The following KAZN variants were observed in gnomAD, a reference collection of about 807,000 sequenced individuals.
The protein encoded by KAZN is kazrin, periplakin interacting protein, also known as kazrin.
In KAZN, 40 loss-of-function variants were observed where a neutral mutation model predicts 87.4. That is an observed-to-expected ratio of 0.46 (90% CI 0.36 to 0.60). The LOEUF is 0.60. Among genes scored for constraint, KAZN ranks in the 20% least tolerant of loss-of-function variants. The probability of loss-of-function intolerance (pLI) is 0.00; values close to 1 mark genes in which losing one functional copy is unlikely to be tolerated. For missense variants in KAZN, 898 were observed against 1,073.9 expected, an observed-to-expected ratio of 0.84 and a Z score of 2.29; for synonymous variants, 466 against 458.3, an observed-to-expected ratio of 1.02 and a Z score of -0.22.
At chr1:14,902,547 A>G (rs1656056587) in intron 1 of KAZN, among the ~76,000 whole-genome samples, 1 of 152,060 alleles carries the variant, frequency 6.6e-6, no homozygotes, top group African/African-American at 2.4e-5. Context: ...ATTTTTTTAA[A>G]TCTTCCATGG....
At chr1:14,122,167 A>T (rs1193240968) in intron 1 of KAZN, among the ~76,000 whole-genome samples, 1 of 152,230 alleles carries the variant, frequency 6.6e-6, no homozygotes, top group Admixed American at 6.5e-5. Context: ...GCTGGGTGCC[A>T]GCAGTGGAGG....
chr1:14,329,119 C>A (rs906660888), intron 2 of KAZN, among the ~76,000 whole-genome samples: 2 of 152,136 alleles, frequency 1.3e-5, no homozygotes, highest in Non-Finnish European at 2.9e-5. Context: ...TGTCAGAAAT[C>A]TCTCTCTCCC....
In KAZN at chr1:14,890,427, G is replaced by A. The variant is rs567941883; in HGVS notation, c.227-70257G>A. Among the ~76,000 whole-genome samples, 51 of 152,202 alleles carry A rather than the reference G, an allele frequency of 3.4e-4. 2 individuals carry two copies. In the South Asian group the frequency reaches 0.01, roughly 31 times the overall value. ...ACATCGTCCCGCTGCAAAAAGTATA[G>A]GACAAAGAAACTGAATCTGTCAAAC... is the stretch of plus-strand genomic sequence containing the variant. On this transcript the variant is annotated intron_variant, in intron 1 of 14. Transcript: ENST00000376030.
intron 1 of KAZN, among the ~76,000 whole-genome samples, chr1:14,826,734 A>G (rs1230547034): frequency 1.3e-5 from 2 of 151,894 alleles, no homozygotes; most frequent in South Asian, 2.1e-4. Flanking sequence ...CATGCCCAAC[A>G]TGCACCTGCT....
intron 1 of KAZN, among the ~76,000 whole-genome samples, chr1:14,792,836 C>T (rs1320810318): frequency 8.5e-5 from 13 of 152,164 alleles, no homozygotes; most frequent in East Asian, 5.8e-4. Context: ...ATTAGCTGGG[C>T]GTGGTGGCAT....
chr1:14,751,067 G>T (rs931505464), intron 1 of KAZN, among the ~76,000 whole-genome samples: 1 of 152,208 alleles, frequency 6.6e-6, no homozygotes. Context: ...TTGGAGAGGA[G>T]ATGTGAAGCT....
intron 1 of KAZN, among the ~76,000 whole-genome samples, chr1:14,142,629 C>G (rs1645264499): frequency 6.6e-6 from 1 of 152,222 alleles, no homozygotes; most frequent in Admixed American, 6.5e-5. Flanking sequence ...GCGCTGTAGC[C>G]TTCAGCATTG....
intron 8 of KAZN, among the ~76,000 whole-genome samples, chr1:15,074,829 AG>A (rs1238369352): frequency 6.6e-6 from 1 of 152,178 alleles, no homozygotes; most frequent in Non-Finnish European, 1.5e-5. Context: ...TGGGGACAAT[AG>A]GGGTGAAAAG....
intron 2 of KAZN, among the ~76,000 whole-genome samples, chr1:14,389,347 C>G (rs1662223391): frequency 6.6e-6 from 1 of 152,140 alleles, no homozygotes; most frequent in Admixed American, 6.5e-5. Flanking sequence ...CAATCCCACT[C>G]CTAGGTATAT....
intron 4 of KAZN, among the ~76,000 whole-genome samples, chr1:15,050,390 A>G (rs899615574): frequency 6.6e-6 from 1 of 151,964 alleles, no homozygotes; most frequent in Non-Finnish European, 1.5e-5. Context: ...TGCCTGTTCC[A>G]CTCATCAGTA....
Position 14,067,910 on chromosome 1 carries a change from C to T in KAZN, c.92-112525C>T, listed in dbSNP as rs370251037. ...CAGCATTGTCCTCACAGCCAACCAT[C>T]CCAGCAGAAAGAGAGGTTTTCATTC... On this transcript the variant is annotated intron_variant, in intron 1 of 16. Transcript: ENST00000636203. 1.1e-4 allele frequency among the ~76,000 whole-genome samples: 17 copies of T among 152,310 alleles called. 1 individual carries two copies. Among genetic ancestry groups the T allele is most frequent in the African/African-American group, 4.1e-4 (17 of 41,574 alleles).
At chr1:14,866,063 T>C (rs2803399) in intron 1 of KAZN, among the ~76,000 whole-genome samples, 103,882 of 152,044 alleles carry the variant, frequency 0.68, 37,139 homozygotes, top group East Asian at 0.97. Flanking sequence ...TTGTGGCACT[T>C]TGTTATAGCA....
intron 2 of KAZN, among the ~76,000 whole-genome samples, chr1:14,247,793 T>A (rs1649646007): frequency 6.6e-6 from 1 of 152,178 alleles, no homozygotes; most frequent in East Asian, 1.9e-4. Flanking sequence ...TTCTAAGCAC[T>A]GCAGAATAAC....
chr1:14,983,711 G>GCCGGAAAATCACTTGAACC (rs1666496954), intron 2 of KAZN, among the ~76,000 whole-genome samples: 1 of 152,192 alleles, frequency 6.6e-6, no homozygotes, highest in South Asian at 2.1e-4. Context: ...GGAGGCTGAG[G>GCCGGAAAATCACTTGAACC]CAGGTGGATC....
At chr1:14,587,952 C>G (rs12120098) in intron 2 of KAZN, among the ~76,000 whole-genome samples, 1 of 152,066 alleles carries the variant, frequency 6.6e-6, no homozygotes, top group South Asian at 2.1e-4. Flanking sequence ...ACCCATGTTG[C>G]GTTTGAGTGG....
chr1:14,485,069 T>C (rs1344311742), intron 2 of KAZN, among the ~76,000 whole-genome samples: 2 of 152,162 alleles, frequency 1.3e-5, no homozygotes, highest in Non-Finnish European at 2.9e-5. Flanking sequence ...ATTGAGGCCA[T>C]ATGTCACTCA....
At chr1:14,064,329 G>A (rs1642917220) in intron 1 of KAZN, among the ~76,000 whole-genome samples, 1 of 152,158 alleles carries the variant, frequency 6.6e-6, no homozygotes, top group Admixed American at 6.5e-5. Flanking sequence ...GGGGAAGACA[G>A]TACATTTTGA....
Position 14,129,746 on chromosome 1 carries a change from G to A in KAZN, c.92-50689G>A, listed in dbSNP as rs190890110. ...AGCCATCACATGGAAAAACAGGGCA[G>A]GGGATGTGGGAGAGAGAGAAGAGTG... is the stretch of plus-strand genomic sequence containing the variant. On this transcript the variant is annotated intron_variant, in intron 1 of 16. Transcript: ENST00000636203. 1.2e-4 allele frequency among the ~76,000 whole-genome samples: 19 copies of A among 152,314 alleles called. No homozygotes were observed. The East Asian group carries it at 3.5e-3, about 28-fold the overall frequency.
At chr1:14,747,789 T>C (rs1369971406) in intron 1 of KAZN, among the ~76,000 whole-genome samples, 2 of 152,216 alleles carry the variant, frequency 1.3e-5, no homozygotes, top group African/African-American at 4.8e-5. Context: ...TTCACAGTGT[T>C]TTCCACAGCG....
Sources: allele counts gnomAD v4.1 joint callset (sites outside exome capture counted in the v4.1 genomes callset), GRCh38; gene constraint gnomAD v4.1.1; transcripts MANE v1.5; gene names NCBI Gene and HGNC (gene_info 2026-07-23, HGNC 2026-07-21).